PTPRD: variants seen among roughly 807,000 people sequenced by gnomAD.
The protein encoded by PTPRD is protein tyrosine phosphatase receptor type D, also known as receptor-type tyrosine-protein phosphatase delta.
In PTPRD, 34 loss-of-function variants were observed where a neutral mutation model predicts 214.5. The ratio of observed to expected loss-of-function variants is 0.16; its 90% CI spans 0.12 to 0.21. The LOEUF (loss-of-function observed/expected upper bound fraction) is 0.21. PTPRD is among the 10% of genes least tolerant of loss of function. PTPRD has a pLI of 1.00. For synonymous variants in PTPRD, 1,128 were observed against 845.7 expected, an observed-to-expected ratio of 1.33 and a Z score of -5.79; for missense variants, 2,545 against 2,398.7, an observed-to-expected ratio of 1.06 and a Z score of -1.27.
At chr9:9,008,248 A>T (rs1214733465) in intron 11 of PTPRD, among the ~76,000 whole-genome samples, 1 of 20,640 alleles carries the variant, frequency 4.8e-5, no homozygotes, top group Non-Finnish European at 1.4e-4. Context: ...TTTATTTTTG[A>T]GACAGAGTCT....
At chr9:10,311,200 T>C (rs984896636) in intron 3 of PTPRD, among the ~76,000 whole-genome samples, 2 of 152,016 alleles carry the variant, frequency 1.3e-5, no homozygotes, top group African/African-American at 2.4e-5. Flanking sequence ...GTTTTACTTA[T>C]ACTGTCTTAA....
At chr9:8,567,443 G>C (rs1054194233) in intron 14 of PTPRD, among the ~76,000 whole-genome samples, 2 of 152,092 alleles carry the variant, frequency 1.3e-5, no homozygotes, top group African/African-American at 4.8e-5. Flanking sequence ...TAGTACCATG[G>C]GCACATGTCC....
intron 14 of PTPRD, among the ~76,000 whole-genome samples, chr9:8,529,042 G>A (rs533789235): frequency 1.3e-5 from 2 of 152,118 alleles, no homozygotes; most frequent in South Asian, 4.1e-4. Context: ...CAAGAGCAAA[G>A]AGGGAGAAAT....
At chr9:9,792,523 T>C (rs1447905103) in intron 5 of PTPRD, among the ~76,000 whole-genome samples, 1 of 152,216 alleles carries the variant, frequency 6.6e-6, no homozygotes, top group East Asian at 1.9e-4. Flanking sequence ...CTTCTCCTAG[T>C]AGCCCTGGAG....
At chr9:8,440,265 C>T (rs1590517148) in intron 34 of PTPRD, among the ~76,000 whole-genome samples, 1 of 151,780 alleles carries the variant, frequency 6.6e-6, no homozygotes, top group East Asian at 1.9e-4. Flanking sequence ...GGAGGGCTTG[C>T]CAGTGTCATG....
rs983690230 is a variant in PTPRD, at chr9:9,241,303, C to A, written c.-202-57940G>T. The stretch of plus-strand genomic sequence containing the variant: ...GAATGAAAATATTTATTCTTCTCCC[C>A]ATCTGATATCTCCAAAATTTGGAAA... On this transcript the variant is annotated intron_variant, in intron 9 of 45. Transcript: ENST00000381196. 5.3e-5 allele frequency among the ~76,000 whole-genome samples: 8 copies of A among 152,188 alleles called. No individual in the cohort carries two copies. In the East Asian group the frequency reaches 7.7e-4, roughly 15 times the overall value.
intron 10 of PTPRD, among the ~76,000 whole-genome samples, chr9:9,072,280 TACACACACACACACACACACACAC>T (rs201508445): frequency 1.1e-4 from 15 of 135,640 alleles, no homozygotes; most frequent in South Asian, 2.6e-4. Context: ...GCTGGCAACT[TACACACACACACACACACACACAC>T]ACACACACAC....
chr9:8,394,395 C>T (rs1413418356), intron 36 of PTPRD, among the ~76,000 whole-genome samples: 1 of 152,048 alleles, frequency 6.6e-6, no homozygotes, highest in Non-Finnish European at 1.5e-5. Context: ...GGGGAAGGAT[C>T]ATAATTTTGC....
intron 34 of PTPRD, among the ~76,000 whole-genome samples, chr9:8,444,090 A>G (rs972870478): frequency 2.0e-4 from 30 of 152,272 alleles, no homozygotes; most frequent in African/African-American, 7.0e-4. Flanking sequence ...GGACCCTGCT[A>G]TCATATTTCC....
At chr9:8,473,135 T>A (rs1419306877) in intron 30 of PTPRD, among the ~76,000 whole-genome samples, 1 of 152,142 alleles carries the variant, frequency 6.6e-6, no homozygotes, top group East Asian at 1.9e-4. Context: ...AAACTTCTTT[T>A]CCCCTAATGG....
At chr9:8,397,006 T>C (rs1053784468) in intron 36 of PTPRD, among the ~76,000 whole-genome samples, 27 of 152,228 alleles carry the variant, frequency 1.8e-4, no homozygotes, top group African/African-American at 6.0e-4. Flanking sequence ...AACTTGAAAA[T>C]AGAAAAACTG....
At position 9,482,389 on chromosome 9, in the gene PTPRD, T is replaced by G. The variant is rs771701181; in HGVS notation, c.-236-84907A>C. ...TCTTGTTTAAAAAATTAATGAGCTT[T>G]ATTTTTTAAAGCAGTTTTAGGTTCA... On this transcript the variant is annotated intron_variant, in intron 8 of 45. Transcript: ENST00000381196. Among the ~76,000 whole-genome samples, 3 of 152,204 alleles carry G rather than the reference T, an allele frequency of 2.0e-5. No homozygotes were observed. In the South Asian group the frequency reaches 6.2e-4, roughly 32 times the overall value.
At chr9:9,246,923 G>A (rs570312274) in intron 9 of PTPRD, among the ~76,000 whole-genome samples, 65 of 152,092 alleles carry the variant, frequency 4.3e-4, no homozygotes, top group African/African-American at 1.4e-3. Flanking sequence ...TACATTGGAA[G>A]GTCTCAGAAG....
At chr9:9,269,869 G>A (rs1469678496) in intron 9 of PTPRD, among the ~76,000 whole-genome samples, 1 of 151,188 alleles carries the variant, frequency 6.6e-6, no homozygotes, top group Non-Finnish European at 1.5e-5. Context: ...TGGGGAAACA[G>A]GGAGATGTTG....
intron 6 of PTPRD, among the ~76,000 whole-genome samples, chr9:9,750,579 A>C (rs925867326): frequency 6.6e-6 from 1 of 152,098 alleles, no homozygotes; most frequent in African/African-American, 2.4e-5. Context: ...ATTCACATTA[A>C]ATTGTAATGT....
At chr9:8,825,232 G>C (rs1566389889) in intron 11 of PTPRD, among the ~76,000 whole-genome samples, 1 of 152,120 alleles carries the variant, frequency 6.6e-6, no homozygotes, top group Non-Finnish European at 1.5e-5. Flanking sequence ...TTTTAGGCAA[G>C]GTATGTGGCC....
At chr9:9,051,736 G>A (rs1175217949) in intron 10 of PTPRD, among the ~76,000 whole-genome samples, 1 of 152,160 alleles carries the variant, frequency 6.6e-6, no homozygotes, top group African/African-American at 2.4e-5. Context: ...GAATTTAAAG[G>A]TAAGAGAAAG....
At chr9:8,527,313 G>C (rs745545888) in intron 16 of PTPRD, 32 bp downstream of exon 16, 18 of 1,599,016 alleles carry the variant, frequency 1.1e-5, no homozygotes, top group African/African-American at 1.3e-5. Context: ...AAATTAGTGG[G>C]GTTGAAGTGC....
intron 9 of PTPRD, among the ~76,000 whole-genome samples, chr9:9,211,046 G>C (rs1451085459): frequency 6.6e-6 from 1 of 151,772 alleles, no homozygotes; most frequent in Non-Finnish European, 1.5e-5. Flanking sequence ...ATTTGTTTTT[G>C]TCCTTGCAAA....
Sources: allele counts gnomAD v4.1 joint callset (sites outside exome capture counted in the v4.1 genomes callset), GRCh38; gene constraint gnomAD v4.1.1; transcripts MANE v1.5; gene names NCBI Gene and HGNC (gene_info 2026-07-23, HGNC 2026-07-21).